Variants in CCT6A observed in about 807,000 individuals in gnomAD.
CCT6A encodes the protein chaperonin containing TCP1 subunit 6A.
A neutral mutation model predicts 58.6 loss-of-function variants in CCT6A; 6 were observed. The observed-to-expected ratio is 0.10, with a 90% confidence interval of 0.06 to 0.20. The LOEUF is 0.20. Among genes scored for constraint, CCT6A ranks in the 10% least tolerant of loss-of-function variants. The probability of loss-of-function intolerance (pLI) is 1.00; values close to 1 mark genes in which losing one functional copy is unlikely to be tolerated. For missense variants in CCT6A, 516 were observed against 648.8 expected, an observed-to-expected ratio of 0.80 and a Z score of 2.22; for synonymous variants, 245 against 227.8, an observed-to-expected ratio of 1.08 and a Z score of -0.68.
At chr7:56,057,688 G>T (rs1794342867) in intron 5 of CCT6A, among the ~76,000 whole-genome samples, 1 of 152,134 alleles carries the variant, frequency 6.6e-6, no homozygotes, top group Non-Finnish European at 1.5e-5. Context: ...AAACCATCCT[G>T]GCTAACACGG....
chr7:56,063,925 C>T lies in CCT6A; in HGVS notation c.*840C>T, dbSNP rs1794549432. ...GAAGGTGAAGTTGTGTGTTACTAGGCTGTGTTTTGGGATGTCAGCAGTGGC... is the reference window on the plus strand; with the variant it reads ...GAAGGTGAAGTTGTGTGTTACTAGGTTGTGTTTTGGGATGTCAGCAGTGGC... On this transcript the variant is annotated 3_prime_UTR_variant, in exon 14 of 14. Transcript: ENST00000275603. 2.9e-6 allele frequency: 1 copy of T among 341,982 alleles called. No individual in the cohort carries two copies. The highest frequency in any genetic ancestry group is 7.2e-5 in the East Asian group (1 of 13,938). 21.2% of individuals were successfully genotyped at this position (341,982 alleles called of 1,614,324 possible).
chr7:56,059,783 G>C (rs1353865132), intron 9 of CCT6A, 143 bp downstream of exon 9: 1 of 569,412 alleles, frequency 1.8e-6, no homozygotes, highest in Admixed American at 3.2e-5. Flanking sequence ...CATCTTCCTG[G>C]GTTCAAGTGA....
intron 8 of CCT6A, chr7:56,058,972 C>CT (rs1584550973): frequency 4.1e-6 from 1 of 242,472 alleles, no homozygotes; most frequent in East Asian, 8.0e-5. Flanking sequence ...ATTCAATATA[C>CT]TTTTTTCCAA....
At chr7:56,056,912 T>C (rs1168826274) in intron 5 of CCT6A, among the ~76,000 whole-genome samples, 1 of 150,174 alleles carries the variant, frequency 6.7e-6, no homozygotes, top group East Asian at 2.0e-4. Context: ...TTCTCCTGCC[T>C]CAGCCTCCCG....
intron 2 of CCT6A, among the ~76,000 whole-genome samples, chr7:56,053,027 C>G (rs934777444): frequency 6.6e-6 from 1 of 152,162 alleles, no homozygotes; most frequent in African/African-American, 2.4e-5. Context: ...CGCCTGACTT[C>G]AGGCGATCCC....
intron 5 of CCT6A, among the ~76,000 whole-genome samples, chr7:56,057,313 T>C (rs927259634): frequency 6.6e-6 from 1 of 152,116 alleles, no homozygotes; most frequent in Admixed American, 6.6e-5. Flanking sequence ...TTTAAAAAAA[T>C]ATTTTTTTCA....
Position 56,058,479 on chromosome 7 carries a change from C to T in CCT6A, c.843C>T (p.Val281=). ...AAATAATAGAACTGAAAAGGAAAGT[C>T]TGTGGCGATTCAGATAAAGGATTTG... ...VKKIIELKRK[V]CGDSDKGFVV... is the part of the protein sequence containing the mutation. The change falls in exon 7 of 14, where the codon GTC becomes GTT. Residue 281 remains valine (V), a synonymous_variant. Coordinates refer to ENST00000275603, the MANE Select transcript of CCT6A (RefSeq NM_001762.4). The T allele has an allele frequency of 2.5e-6, 4 of 1,596,478 alleles. No homozygotes were observed. The highest frequency in any genetic ancestry group is 3.4e-6 in the Non-Finnish European group (4 of 1,175,294).
intron 3 of CCT6A, among the ~76,000 whole-genome samples, chr7:56,054,752 TA>T (rs1794268771): frequency 6.6e-6 from 1 of 151,962 alleles, no homozygotes; most frequent in South Asian, 2.1e-4. Flanking sequence ...TAGTGTAGAT[TA>T]ATAATTGAGA....
intron 11 of CCT6A, 79 bp from the exon 12 acceptor site, chr7:56,061,668 C>CTTTTTTT (rs71015174): frequency 2.1e-3 from 650 of 312,300 alleles, no homozygotes; most frequent in African/African-American, 5.5e-3. Context: ...TTTCTTTTTT[C>CTTTTTTT]TTTTTTTTTT....
At chr7:56,059,487 A>G (rs931189660) in intron 8 of CCT6A, 57 bp from the exon 9 acceptor site, 18 of 867,426 alleles carry the variant, frequency 2.1e-5, no homozygotes, top group African/African-American at 2.0e-4. Flanking sequence ...TACTGGTCTT[A>G]TCTTTGAAAT....
chr7:56,061,557 G>A (rs189149191), intron 11 of CCT6A, 190 bp from the exon 12 acceptor site: 5,124 of 362,232 alleles, frequency 0.014, 59 homozygotes, highest in Non-Finnish European at 0.019. Flanking sequence ...ATGTTGGCCA[G>A]GCTGGTCTCG....
At chr7:56,052,078 G>A (rs2117318315) in intron 1 of CCT6A, 93 bp downstream of exon 1, 1 of 1,109,184 alleles carries the variant, frequency 9.0e-7, no homozygotes, top group Middle Eastern at 2.9e-4. Flanking sequence ...CCGCCGCCTC[G>A]GGGCTGCGCA....
intron 11 of CCT6A, among the ~76,000 whole-genome samples, chr7:56,061,300 TGA>T (rs1246504319): frequency 2.0e-5 from 3 of 152,090 alleles, no homozygotes. Context: ...TTGGGGTAGT[TGA>T]GAGAGTTGAT....
intron 5 of CCT6A, among the ~76,000 whole-genome samples, chr7:56,056,834 G>T (rs941949260): frequency 2.7e-5 from 4 of 147,200 alleles, no homozygotes; most frequent in South Asian, 4.3e-4. Flanking sequence ...TTGCTCTGTC[G>T]CCCAGCCTGG....
intron 3 of CCT6A, among the ~76,000 whole-genome samples, chr7:56,054,836 A>G (rs1315451235): frequency 6.6e-6 from 1 of 152,238 alleles, no homozygotes; most frequent in East Asian, 1.9e-4. Context: ...ATTTGGATAA[A>G]TTCCACTTTT....
At chr7:56,052,353 G>T (rs1417894683) in intron 1 of CCT6A, 69 bp from the exon 2 acceptor site, 2 of 1,446,054 alleles carry the variant, frequency 1.4e-6, no homozygotes, top group African/African-American at 2.8e-5. Context: ...GGAAAAGCCC[G>T]TTTTCTAATG....
chr7:56,061,373 GTTTTTTTTTTTT>G (rs34651360), intron 11 of CCT6A, among the ~76,000 whole-genome samples: 1 of 117,618 alleles, frequency 8.5e-6, no homozygotes, highest in Non-Finnish European at 1.7e-5. Flanking sequence ...TATGCAATGA[GTTTTTTTTTTTT>G]TTTTTTTTTG....
intron 5 of CCT6A, among the ~76,000 whole-genome samples, 174 bp downstream of exon 5, chr7:56,056,588 C>T (rs771058840): frequency 1.4e-4 from 21 of 151,574 alleles, no homozygotes; most frequent in Non-Finnish European, 2.1e-4. Flanking sequence ...CCAGGCGTGC[C>T]GGGCATGACT....
intron 5 of CCT6A, among the ~76,000 whole-genome samples, chr7:56,057,659 T>C (rs1337853102): frequency 2.0e-5 from 3 of 152,122 alleles, no homozygotes; most frequent in Non-Finnish European, 4.4e-5. Context: ...GGCGGGCGGA[T>C]CACGAGATCA....
Sources: allele counts gnomAD v4.1 joint callset (sites outside exome capture counted in the v4.1 genomes callset), GRCh38; gene constraint gnomAD v4.1.1; transcripts MANE v1.5; gene names NCBI Gene and HGNC (gene_info 2026-07-23, HGNC 2026-07-21).